DGKG: variants seen among roughly 807,000 people sequenced by gnomAD.
The protein encoded by DGKG is DAG kinase gamma.
DGKG carries 78 observed loss-of-function variants against 105.3 expected under a neutral mutation model. The ratio of observed to expected loss-of-function variants is 0.74; its 90% CI spans 0.62 to 0.89. The LOEUF (loss-of-function observed/expected upper bound fraction) is 0.89, where lower values mean the gene tolerates loss of function less well. DGKG is among the 40% of genes least tolerant of loss of function. The pLI is 0.00. For synonymous variants in DGKG, 346 were observed against 367.1 expected, an observed-to-expected ratio of 0.94 and a Z score of 0.66; for missense variants, 958 against 1,020.1, an observed-to-expected ratio of 0.94 and a Z score of 0.83.
intron 13 of DGKG, among the ~76,000 whole-genome samples, chr3:186,265,856 G>A (rs561556817): frequency 2.0e-5 from 3 of 151,906 alleles, no homozygotes; most frequent in Non-Finnish European, 2.9e-5. Flanking sequence ...ATTTTTAGTA[G>A]AGATGGGGTT....
At chr3:186,353,702 A>ATATCTATATG (rs1553825821) in intron 1 of DGKG, among the ~76,000 whole-genome samples, 1 of 125,788 alleles carries the variant, frequency 7.9e-6, no homozygotes, top group Non-Finnish European at 1.8e-5. Context: ...ATCTATATCT[A>ATATCTATATG]TATAACAGTG....
intron 19 of DGKG, among the ~76,000 whole-genome samples, chr3:186,243,835 GTGAATTT>G (rs67053373): frequency 0.05 from 7,436 of 149,918 alleles, 625 homozygotes; most frequent in African/African-American, 0.18. Context: ...ATTCCATGCA[GTGAATTT>G]TGAATTTTCA....
chr3:186,315,807 C>T (rs754708055), intron 2 of DGKG, among the ~76,000 whole-genome samples: 36 of 152,134 alleles, frequency 2.4e-4, no homozygotes, highest in Non-Finnish European at 3.4e-4. Context: ...TATGTGAGTC[C>T]CTCCTCCCTG....
At chr3:186,213,358 C>T (rs1226760098) in intron 20 of DGKG, among the ~76,000 whole-genome samples, 2 of 152,234 alleles carry the variant, frequency 1.3e-5, no homozygotes, top group African/African-American at 4.8e-5. Context: ...AATGCCATGG[C>T]AAACATTCTC....
chr3:186,257,682 T>C (rs921695193), intron 17 of DGKG, 172 bp downstream of exon 17: 5 of 81,198 alleles, frequency 6.2e-5, no homozygotes, highest in Non-Finnish European at 1.2e-4. Flanking sequence ...GTCTTATTTC[T>C]TTTTTTTTTT....
chr3:186,359,619 C>T (rs1024534812), intron 1 of DGKG, among the ~76,000 whole-genome samples: 1 of 152,108 alleles, frequency 6.6e-6, no homozygotes, highest in African/African-American at 2.4e-5. Context: ...ATAGTAATAA[C>T]ACCTCAGAGG....
At chr3:186,200,145 T>C (rs1718378301) in intron 21 of DGKG, among the ~76,000 whole-genome samples, 1 of 152,156 alleles carries the variant, frequency 6.6e-6, no homozygotes, top group Non-Finnish European at 1.5e-5. Context: ...TCAAGTCCTC[T>C]AAGGAACTGA....
At chr3:186,182,424 G>A (rs1717402583) in intron 22 of DGKG, among the ~76,000 whole-genome samples, 1 of 152,164 alleles carries the variant, frequency 6.6e-6, no homozygotes, top group South Asian at 2.1e-4. Flanking sequence ...CTGAGGGAGG[G>A]AGACCATACT....
intron 21 of DGKG, among the ~76,000 whole-genome samples, chr3:186,199,283 C>A (rs1008353996): frequency 6.6e-6 from 1 of 152,140 alleles, no homozygotes; most frequent in African/African-American, 2.4e-5. Context: ...CATACACAAA[C>A]TGGCCTGGCC....
At chr3:186,280,823 C>A in intron 7 of DGKG, 79 bp from the exon 8 acceptor site, 1 of 1,263,538 alleles carries the variant, frequency 7.9e-7, no homozygotes, top group East Asian at 2.3e-5. Flanking sequence ...CAAAATTAAG[C>A]CCAGTGGGAA....
intron 2 of DGKG, among the ~76,000 whole-genome samples, chr3:186,308,335 A>G (rs950983421): frequency 3.3e-5 from 5 of 152,164 alleles, no homozygotes; most frequent in Admixed American, 6.5e-5. Context: ...TCTAGACATC[A>G]AAGCAAACCA....
intron 1 of DGKG, among the ~76,000 whole-genome samples, chr3:186,346,756 G>A (rs761555986): frequency 6.6e-6 from 1 of 151,864 alleles, no homozygotes; most frequent in Non-Finnish European, 1.5e-5. Context: ...TTTACGATGG[G>A]ATCAAAATAT....
rs140672782 is a variant in DGKG at position 186,204,234 on chromosome 3, C to T, written c.1917+7561G>A. Reference sequence around the variant, plus strand: ...GATCAGCCTGGCCAACATGGTGAAACCCCATCTCTACAAATACAAACATTA... The same window carrying T: ...GATCAGCCTGGCCAACATGGTGAAATCCCATCTCTACAAATACAAACATTA... On this transcript the variant is annotated intron_variant, in intron 21 of 24. Transcript: ENST00000265022. 3.9e-5 allele frequency among the ~76,000 whole-genome samples: 6 copies of T among 152,126 alleles called. No homozygotes were observed. In the South Asian group the frequency reaches 1.2e-3, roughly 32 times the overall value.
At chr3:186,360,987 C>A (rs866552054) in intron 1 of DGKG, among the ~76,000 whole-genome samples, 1 of 152,246 alleles carries the variant, frequency 6.6e-6, no homozygotes, top group African/African-American at 2.4e-5. Context: ...GGGTTCACAG[C>A]GCTCCCGGGC....
At chr3:186,313,737 C>T (rs755948778) in intron 2 of DGKG, among the ~76,000 whole-genome samples, 1 of 152,110 alleles carries the variant, frequency 6.6e-6, no homozygotes, top group African/African-American at 2.4e-5. Context: ...CCTCCCTATC[C>T]GTAGATTCTG....
intron 21 of DGKG, among the ~76,000 whole-genome samples, chr3:186,202,351 T>C (rs1306700600): frequency 6.6e-6 from 1 of 152,256 alleles, no homozygotes; most frequent in Non-Finnish European, 1.5e-5. Context: ...TTAGTAAGTT[T>C]ATGACTTCAC....
At chr3:186,260,896 T>A (rs546467919) in intron 15 of DGKG, among the ~76,000 whole-genome samples, 14 of 152,328 alleles carry the variant, frequency 9.2e-5, no homozygotes, top group Non-Finnish European at 1.8e-4. Context: ...CTCTGCAGAC[T>A]GTACAAAAGC....
chr3:186,358,506 T>TTGTGTATGTGTGTG (rs1727083572), intron 1 of DGKG, among the ~76,000 whole-genome samples: 1 of 149,952 alleles, frequency 6.7e-6, no homozygotes, highest in South Asian at 2.1e-4. Flanking sequence ...TTCTAACCCT[T>TTGTGTATGTGTGTG]TGTGTGTGTG....
intron 22 of DGKG, among the ~76,000 whole-genome samples, chr3:186,169,607 C>T (rs1452940727): frequency 6.6e-6 from 1 of 152,224 alleles, no homozygotes; most frequent in Non-Finnish European, 1.5e-5. Context: ...TGTCATTCCC[C>T]AGGCAAACCC....
Sources: allele counts gnomAD v4.1 joint callset (sites outside exome capture counted in the v4.1 genomes callset), GRCh38; gene constraint gnomAD v4.1.1; transcripts MANE v1.5; gene names NCBI Gene and HGNC (gene_info 2026-07-23, HGNC 2026-07-21).